The following WWOX variants were observed in gnomAD, a reference collection of about 807,000 sequenced individuals.
The protein encoded by WWOX is WW domain-containing oxidoreductase.
WWOX carries 69 observed loss-of-function variants against 46.2 expected under a neutral mutation model. That is an observed-to-expected ratio of 1.49 (90% CI 1.23 to 1.82). The LOEUF is 1.82. Ranked by LOEUF, WWOX falls within the 40% of genes most tolerant of loss-of-function variation. The probability of loss-of-function intolerance (pLI) is 0.00; values close to 1 mark genes in which losing one functional copy is unlikely to be tolerated. For synonymous variants in WWOX, 359 were observed against 202.6 expected (o/e 1.77, Z -6.56); for missense variants, 919 against 542.6 (o/e 1.69, Z -6.89).
rs558251866 is a variant in WWOX at position 78,857,568 on chromosome 16, G to A, written c.1057-354040G>A. On this transcript the variant is annotated intron_variant, in intron 8 of 8. Transcript: ENST00000566780. ...CACCCATCTACCCAAGCTGACTGTCGGTCAAGAGTCTAGTGACCTTAAACC... is the reference window on the plus strand; with the variant it reads ...CACCCATCTACCCAAGCTGACTGTCAGTCAAGAGTCTAGTGACCTTAAACC... Among the ~76,000 whole-genome samples, 7 of 152,162 alleles carry A rather than the reference G, an allele frequency of 4.6e-5. No individual in the cohort carries two copies. The South Asian group carries it at 6.2e-4, about 14-fold the overall frequency.
At chr16:79,161,893 A>G (rs1886165927) in intron 8 of WWOX, among the ~76,000 whole-genome samples, 1 of 152,208 alleles carries the variant, frequency 6.6e-6, no homozygotes, top group African/African-American at 2.4e-5. Flanking sequence ...TTTGAGGGGA[A>G]ATATGAGGCT....
chr16:79,131,933 GT>G, intron 8 of WWOX, among the ~76,000 whole-genome samples: 1 of 152,212 alleles, frequency 6.6e-6, no homozygotes. Context: ...GGAAACCCCT[GT>G]TTTTAAAACC....
intron 4 of WWOX, among the ~76,000 whole-genome samples, chr16:78,119,848 C>A (rs959055444): frequency 6.6e-6 from 1 of 152,118 alleles, no homozygotes; most frequent in African/African-American, 2.4e-5. Flanking sequence ...ACTTTCAGTC[C>A]TAAACCAGCA....
At chr16:79,042,213 C>G (rs74549820) in intron 8 of WWOX, among the ~76,000 whole-genome samples, 21 of 152,036 alleles carry the variant, frequency 1.4e-4, no homozygotes, top group Non-Finnish European at 3.1e-4. Context: ...GAAACTCTGT[C>G]CATGAACTCC....
At chr16:79,001,598 G>T (rs2047093591) in intron 8 of WWOX, among the ~76,000 whole-genome samples, 2 of 152,068 alleles carry the variant, frequency 1.3e-5, no homozygotes, top group Admixed American at 6.5e-5. Flanking sequence ...ATACATTAAG[G>T]TGCATGCAAT....
intron 5 of WWOX, among the ~76,000 whole-genome samples, chr16:78,368,869 A>C (rs1234826553): frequency 6.6e-6 from 1 of 152,196 alleles, no homozygotes; most frequent in Admixed American, 6.5e-5. Flanking sequence ...AGCAGGCTGC[A>C]CGTGTGCACT....
intron 8 of WWOX, among the ~76,000 whole-genome samples, chr16:78,821,883 A>C (rs1224189740): frequency 6.6e-6 from 1 of 152,142 alleles, no homozygotes; most frequent in East Asian, 1.9e-4. Flanking sequence ...ATATTAAAAT[A>C]AACTTTTTTT....
intron 8 of WWOX, among the ~76,000 whole-genome samples, chr16:78,526,812 G>T (rs566561695): frequency 1.4e-4 from 22 of 152,196 alleles, no homozygotes; most frequent in African/African-American, 5.3e-4. Context: ...GAGGGTGGCA[G>T]TGATCTTGAG....
intron 5 of WWOX, among the ~76,000 whole-genome samples, chr16:78,326,565 T>C (rs12448571): frequency 0.44 from 29,743 of 66,850 alleles, 7,703 homozygotes; most frequent in African/African-American, 0.69. Flanking sequence ...TATTTCTGCC[T>C]GCCCTCCCCC....
At chr16:78,979,148 G>T (rs1244766103) in intron 8 of WWOX, among the ~76,000 whole-genome samples, 2 of 149,944 alleles carry the variant, frequency 1.3e-5, no homozygotes, top group Non-Finnish European at 2.9e-5. Context: ...ATATCACTTG[G>T]GTCTTATCTT....
chr16:78,419,382 A>G (rs967623141), intron 6 of WWOX, among the ~76,000 whole-genome samples: 1 of 152,080 alleles, frequency 6.6e-6, no homozygotes, highest in African/African-American at 2.4e-5. Flanking sequence ...CTCAATTTCA[A>G]AACTTTCTAT....
chr16:78,393,290 C>T (rs1000232193), intron 6 of WWOX, among the ~76,000 whole-genome samples: 5 of 152,158 alleles, frequency 3.3e-5, no homozygotes, highest in African/African-American at 1.2e-4. Context: ...CTGAAAAGTG[C>T]ATATTTTGAA....
intron 6 of WWOX, among the ~76,000 whole-genome samples, chr16:78,400,169 A>G (rs2082378328): frequency 6.6e-6 from 1 of 152,154 alleles, no homozygotes; most frequent in Admixed American, 6.5e-5. Flanking sequence ...TCGGTCACTT[A>G]CTCGTCATCA....
At chr16:78,207,575 GAGAAGC>G (rs1344583874) in intron 5 of WWOX, among the ~76,000 whole-genome samples, 1 of 147,904 alleles carries the variant, frequency 6.8e-6, no homozygotes, top group Non-Finnish European at 1.5e-5. Flanking sequence ...TCCTTTAATT[GAGAAGC>G]AGAACGTATT....
At chr16:78,121,279 A>T (rs918067012) in intron 4 of WWOX, among the ~76,000 whole-genome samples, 25 of 152,206 alleles carry the variant, frequency 1.6e-4, no homozygotes, top group African/African-American at 6.0e-4. Flanking sequence ...GCCTACTATT[A>T]TCTTATGCTA....
chr16:78,779,439 C>A (rs995106999), intron 8 of WWOX, among the ~76,000 whole-genome samples: 2 of 152,162 alleles, frequency 1.3e-5, no homozygotes, highest in East Asian at 1.9e-4. Context: ...TCCGGCCCCC[C>A]TTTCTTCTTT....
At chr16:78,873,899 C>T (rs1290984080) in intron 8 of WWOX, among the ~76,000 whole-genome samples, 1 of 151,982 alleles carries the variant, frequency 6.6e-6, no homozygotes, top group Non-Finnish European at 1.5e-5. Flanking sequence ...CAGGTCAGGT[C>T]CTAGTGTCTC....
intron 8 of WWOX, among the ~76,000 whole-genome samples, chr16:78,665,602 G>A (rs546618872): frequency 3.7e-4 from 57 of 152,128 alleles, no homozygotes; most frequent in Admixed American, 7.9e-4. Context: ...TCCAGATTCC[G>A]ATTGCCCTGT....
chr16:78,211,890 A>G (rs2036570689), intron 5 of WWOX, among the ~76,000 whole-genome samples: 1 of 152,228 alleles, frequency 6.6e-6, no homozygotes, highest in South Asian at 2.1e-4. Flanking sequence ...AGGCTCTGTC[A>G]TTAACTGCCC....
Sources: allele counts gnomAD v4.1 joint callset (sites outside exome capture counted in the v4.1 genomes callset), GRCh38; gene constraint gnomAD v4.1.1; transcripts MANE v1.5; gene names NCBI Gene and HGNC (gene_info 2026-07-23, HGNC 2026-07-21).